The following KMT2A variants were observed in gnomAD, a reference collection of about 807,000 sequenced individuals.
KMT2A encodes the protein histone-lysine N-methyltransferase 2A.
KMT2A carries 16 observed loss-of-function variants against 345.3 expected under a neutral mutation model. The ratio of observed to expected loss-of-function variants is 0.05; its 90% CI spans 0.03 to 0.07. The LOEUF (loss-of-function observed/expected upper bound fraction) is 0.07. KMT2A is among the 10% of genes least tolerant of loss of function. The pLI, the probability that KMT2A is intolerant of heterozygous loss-of-function variation, is 1.00. For synonymous variants in KMT2A, 1,599 were observed against 1,778.6 expected, an observed-to-expected ratio of 0.90 and a Z score of 2.54; for missense variants, 3,272 against 4,841.6, an observed-to-expected ratio of 0.68 and a Z score of 9.62.
Position 118,494,495 on chromosome 11 carries a change from G to C in KMT2A, c.5289+97G>C, listed in dbSNP as rs9332817. 0.023 allele frequency: 20,101 copies of C among 863,108 alleles called. 298 individuals are homozygous for C. Among genetic ancestry groups the C allele is most frequent in the Middle Eastern group, 0.027 (114 of 4,262 alleles). The allele number at this position is 863,108 out of a possible 1,614,324, so 53.5% of individuals were successfully genotyped here. A position where few individuals can be genotyped will look rare whatever the true frequency, so the allele number is the denominator to read the frequency against. ...GTTCTCTTCTACTTTTTGCTTTGTGGTGTGTATAAAACATCTTTGGTTTAA... is the reference window on the plus strand; with the variant it reads ...GTTCTCTTCTACTTTTTGCTTTGTGCTGTGTATAAAACATCTTTGGTTTAA... On this transcript the variant is annotated intron_variant, in intron 17 of 35. Transcript: ENST00000534358. This position sits in a 1 kb window ranked among gnomAD's most constrained non-coding sequence, Gnocchi z 5.8.
chr11:118,474,436 G>A, intron 3 of KMT2A, 121 bp downstream of exon 3: 1 of 1,280,190 alleles, frequency 7.8e-7, no homozygotes, highest in Non-Finnish European at 1.0e-6. Context: ...TATGGTGGAG[G>A]CAGTGGTATT....
intron 27 of KMT2A, 36 bp from the exon 28 acceptor site, chr11:118,507,493 G>T (rs1950605044): frequency 1.3e-6 from 2 of 1,577,664 alleles, no homozygotes; most frequent in Non-Finnish European, 1.7e-6. Flanking sequence ...TTTACTGGTG[G>T]TTTGTCTTGA....
At position 118,501,541 on chromosome 11, in the gene KMT2A, A is replaced by C. The variant is rs1249616123; in HGVS notation, c.6320-131A>C. On this transcript the variant is annotated intron_variant, in intron 25 of 35. Transcript: ENST00000534358. Reference sequence around the variant, plus strand: ...AGTACTATGATTGAAAGCTGGGGGAAAAGTCATTTACTTGGGAAGTCTCAT... The same window carrying C: ...AGTACTATGATTGAAAGCTGGGGGACAAGTCATTTACTTGGGAAGTCTCAT... The C allele has an allele frequency of 6.2e-5, 44 of 705,430 alleles. No individual in the cohort carries two copies. In the African/African-American group the frequency reaches 7.1e-4, roughly 11 times the overall value. The allele number at this position is 705,430 out of a possible 1,614,324, so 43.7% of individuals were successfully genotyped here. A position where few individuals can be genotyped will look rare whatever the true frequency, so the allele number is the denominator to read the frequency against.
intron 1 of KMT2A, among the ~76,000 whole-genome samples, chr11:118,456,285 C>G (rs61513148): frequency 6.6e-6 from 1 of 151,982 alleles, no homozygotes; most frequent in Admixed American, 6.6e-5. Context: ...TCAGGAGTTT[C>G]AGACCAGCCT....
At chr11:118,512,804 T>G (rs1950718290) in intron 31 of KMT2A, among the ~76,000 whole-genome samples, 3 of 143,974 alleles carry the variant, frequency 2.1e-5, no homozygotes, top group Non-Finnish European at 3.1e-5. Context: ...CTGTTTTTTG[T>G]TTTTTTTTTT....
At chr11:118,437,992 G>A (rs1382586167) in intron 1 of KMT2A, among the ~76,000 whole-genome samples, 1 of 152,082 alleles carries the variant, frequency 6.6e-6, no homozygotes, top group Admixed American at 6.5e-5. Flanking sequence ...AGAGCACGCA[G>A]TCTCCAACCC....
In KMT2A at chr11:118,520,264, G is replaced by A. The variant is rs1950929278; in HGVS notation, c.11429+200G>A. The A allele has an allele frequency of 5.3e-6, 3 of 562,210 alleles. No individual in the cohort carries two copies. The South Asian group carries it at 7.0e-5, about 13-fold the overall frequency. 34.8% of individuals were successfully genotyped at this position (562,210 alleles called of 1,614,324 possible). A position where few individuals can be genotyped will look rare whatever the true frequency, so the allele number is the denominator to read the frequency against. On this transcript the variant is annotated intron_variant, in intron 33 of 35. Coordinates refer to ENST00000534358, the MANE Select transcript of KMT2A (RefSeq NM_001197104.2). This position sits in a 1 kb window ranked among gnomAD's most constrained non-coding sequence, Gnocchi z 4.3. ...GTACAGAGGAGAAATTCAAAGAACT[G>A]TAAGATGCCTGTTTTCTTTAATGAT...
In KMT2A at chr11:118,502,348, A is replaced by G; in HGVS notation, c.6506-50A>G. ...AATCATTGAAACCAGTGACTTCTAC[A>G]CATTTGTTCTATCTACAATAGCATT... On this transcript the variant is annotated intron_variant, in intron 26 of 35. Coordinates refer to ENST00000534358, the MANE Select transcript of KMT2A (RefSeq NM_001197104.2). This position sits in a 1 kb window ranked among gnomAD's most constrained non-coding sequence, Gnocchi z 4.9. The G allele has an allele frequency of 7.8e-7, 1 of 1,282,072 alleles. No homozygotes were observed. Among genetic ancestry groups the G allele is most frequent in the Non-Finnish European group, 1.1e-6 (1 of 925,506 alleles). The allele number at this position is 1,282,072 out of a possible 1,614,324, so 79.4% of individuals were successfully genotyped here.
chr11:118,454,733 CTG>C (rs1292901890), intron 1 of KMT2A, among the ~76,000 whole-genome samples: 2 of 152,208 alleles, frequency 1.3e-5, no homozygotes, highest in African/African-American at 4.8e-5. Flanking sequence ...CCATTAACAA[CTG>C]AACGTGGCCA....
intron 1 of KMT2A, among the ~76,000 whole-genome samples, chr11:118,445,969 A>G (rs540202663): frequency 9.3e-4 from 141 of 152,096 alleles, no homozygotes; most frequent in African/African-American, 3.3e-3. Flanking sequence ...CCGCCACTAC[A>G]CTCCAGCCTG....
At chr11:118,466,614 AAG>A (rs1949848735) in intron 1 of KMT2A, among the ~76,000 whole-genome samples, 1 of 151,988 alleles carries the variant, frequency 6.6e-6, no homozygotes, top group African/African-American at 2.4e-5. Flanking sequence ...CCAGGAGTTC[AAG>A]ACCAGCCTGG....
Position 118,503,630 on chromosome 11 carries a change from A to G in KMT2A, c.7738A>G (p.Asn2580Asp). ...DGPVAQPSPN[N>D]TSCQDSQSNN... ...TCCAGTGGCCCAACCAAGCCCCAAT[A>G]ATACCTCATGCCAGGATTCTCAAAG... The change falls in exon 27 of 36, where the codon AAT becomes GAT. Residue 2580 changes from asparagine to aspartate, a missense_variant. By Grantham distance (23) the Asn-to-Asp change is conservative. This residue lies in a region of KMT2A where 445 missense variants were observed against 500.9 expected (regional missense o/e 0.89). Coordinates refer to ENST00000534358, the MANE Select transcript of KMT2A (RefSeq NM_001197104.2). The surrounding 1 kb of genome is among the most constrained non-coding windows in gnomAD (Gnocchi z 5.3). The G allele has an allele frequency of 1.9e-6, 3 of 1,614,148 alleles. No homozygotes were observed. The highest frequency in any genetic ancestry group is 2.5e-6 in the Non-Finnish European group (3 of 1,180,018).
intron 31 of KMT2A, among the ~76,000 whole-genome samples, chr11:118,514,719 C>T (rs991536991): frequency 5.9e-5 from 9 of 152,086 alleles, no homozygotes; most frequent in Non-Finnish European, 1.0e-4. Context: ...CCGCAACCTC[C>T]ACCTCCCGAA....
Position 118,436,749 on chromosome 11 carries a change from C to G in KMT2A, c.237C>G (p.Ala79=). ...SSGAGVPGGA[A]AASAASSSSA... ...GGGCTGGGGTTCCAGGGGGAGCGGC[C>G]GCCGCCTCAGCAGCCTCCTCGTCGT... Residue 79 remains alanine (A), a synonymous_variant, in exon 1 of 36, where the codon GCC becomes GCG. Coordinates refer to ENST00000534358, the MANE Select transcript of KMT2A (RefSeq NM_001197104.2). The surrounding 1 kb of genome is among the most constrained non-coding windows in gnomAD (Gnocchi z 6.9). 6.3e-7 allele frequency: 1 copy of G among 1,590,030 alleles called. No individual in the cohort carries two copies. The highest frequency in any genetic ancestry group is 8.6e-7 in the Non-Finnish European group (1 of 1,169,076).
At position 118,510,782 on chromosome 11, in the gene KMT2A, G is replaced by T. The variant is rs1292339411; in HGVS notation, c.11071+664G>T. Among the ~76,000 whole-genome samples, 12 of 152,164 alleles carry T rather than the reference G, an allele frequency of 7.9e-5. No homozygotes were observed. The highest frequency in any genetic ancestry group is 1.8e-4 in the Non-Finnish European group (12 of 68,022). On this transcript the variant is annotated intron_variant, in intron 30 of 35. Coordinates refer to ENST00000534358, the MANE Select transcript of KMT2A (RefSeq NM_001197104.2). The surrounding 1 kb of genome is among the most constrained non-coding windows in gnomAD (Gnocchi z 4.1). ...GTTCTCTAGGCTGTAAGTACTAGAA[G>T]AGTTCAAAGAAGAGAAAGGTCACCA...
chr11:118,494,620 C>A lies in KMT2A; in HGVS notation c.5290-74C>A. 1.5e-6 allele frequency: 2 copies of A among 1,308,082 alleles called. No homozygotes were observed. The highest frequency in any genetic ancestry group is 2.2e-6 in the Non-Finnish European group (2 of 918,700). 81.0% of individuals were successfully genotyped at this position (1,308,082 alleles called of 1,614,324 possible). A position where few individuals can be genotyped will look rare whatever the true frequency, so the allele number is the denominator to read the frequency against. On this transcript the variant is annotated intron_variant, in intron 17 of 35. Transcript: ENST00000534358. This position sits in a 1 kb window ranked among gnomAD's most constrained non-coding sequence, Gnocchi z 5.8. ...AATTATCCTCGTATTAACAGAGAAGCTGGTTTGAAGATTTTTCATGTGGTA... is the reference window on the plus strand; with the variant it reads ...AATTATCCTCGTATTAACAGAGAAGATGGTTTGAAGATTTTTCATGTGGTA...
In KMT2A at chr11:118,506,016, C is replaced by A. The variant is rs2134410268; in HGVS notation, c.10124C>A (p.Thr3375Asn). The A allele has an allele frequency of 1.9e-6, 3 of 1,614,184 alleles. No homozygotes were observed. The South Asian group carries it at 3.3e-5, about 18-fold the overall frequency. The stretch of plus-strand genomic sequence containing the variant: ...TTAACCAACCCAAGGTTGCTTGGTA[C>A]CCCAGATATTGGCTCAATAAGCAAT... Reference protein sequence around the residue: ...VTLTNPRLLGTPDIGSISNLL... With the variant: ...VTLTNPRLLGNPDIGSISNLL... The change falls in exon 27 of 36, where the codon ACC (threonine) becomes AAC (asparagine). Residue 3375 changes from threonine (T) to asparagine (N), a missense_variant. By Grantham distance (65) the Thr-to-Asn change is moderately conservative (BLOSUM62 0). Transcript: ENST00000534358.
At chr11:118,513,184 T>C (rs181116978) in intron 31 of KMT2A, among the ~76,000 whole-genome samples, 115 of 152,256 alleles carry the variant, frequency 7.6e-4, no homozygotes, top group African/African-American at 2.6e-3. Flanking sequence ...TATGAGACTG[T>C]ATTAAGCTAT....
rs1379387791 is a variant in KMT2A at position 118,502,306 on chromosome 11, A to G, written c.6506-92A>G. ...TGTAGATTTCCAGTTACCTATAAAT[A>G]TATATATATATAGTCAAATCATTGA... On this transcript the variant is annotated intron_variant, in intron 26 of 35. Transcript: ENST00000534358. This position sits in a 1 kb window ranked among gnomAD's most constrained non-coding sequence, Gnocchi z 4.9. 2 of 669,322 alleles carry G rather than the reference A, an allele frequency of 3.0e-6. No homozygotes were observed. The highest frequency in any genetic ancestry group is 4.7e-6 in the Non-Finnish European group (2 of 428,310). 41.5% of individuals were successfully genotyped at this position (669,322 alleles called of 1,614,324 possible). A position where few individuals can be genotyped will look rare whatever the true frequency, so the allele number is the denominator to read the frequency against.
Sources: gnomAD v4.1 joint callset for allele counts (sites outside exome capture counted in the v4.1 genomes callset) on GRCh38, gnomAD v4.1.1 for gene constraint, gnomAD v4.1.1 regional missense constraint, Gnocchi (gnomAD v3.1) non-coding constraint, MANE v1.5 for transcripts, NCBI Gene and HGNC (gene_info 2026-07-23, HGNC 2026-07-21) for gene names.